Variants in MITF observed in about 807,000 individuals in gnomAD.
MITF encodes the protein melanocyte inducing transcription factor.
Under a neutral mutation model 60.5 loss-of-function variants are expected in MITF, and 17 were observed. The observed-to-expected ratio is 0.28, with a 90% CI of 0.19 to 0.42. The LOEUF is 0.42. MITF is among the 10% of genes least tolerant of loss of function. The pLI, the probability that MITF is intolerant of heterozygous loss-of-function variation, is 1.00. For synonymous variants in MITF, 260 were observed against 248.5 expected (o/e 1.05, Z -0.43); for missense variants, 622 against 683.5 (o/e 0.91, Z 1.00).
At chr3:69,751,888 CTA>C (rs1277797110) in intron 1 of MITF, among the ~76,000 whole-genome samples, 1 of 152,158 alleles carries the variant, frequency 6.6e-6, no homozygotes, top group Non-Finnish European at 1.5e-5. Context: ...TGGTTTAGCA[CTA>C]TCCCCTTGGT....
At chr3:69,941,748 G>A (rs1045661923) in intron 5 of MITF, among the ~76,000 whole-genome samples, 29 of 152,122 alleles carry the variant, frequency 1.9e-4, no homozygotes, top group African/African-American at 7.0e-4. Context: ...GAGGGACATT[G>A]GAGTTACCCT....
intron 1 of MITF, among the ~76,000 whole-genome samples, chr3:69,789,717 G>A (rs374687641): frequency 6.6e-5 from 10 of 152,208 alleles, no homozygotes; most frequent in African/African-American, 1.7e-4. Context: ...TTAGCTGGGC[G>A]TGGTGGCACA....
chr3:69,764,608 G>T (rs1324400199), intron 1 of MITF, among the ~76,000 whole-genome samples: 1 of 152,144 alleles, frequency 6.6e-6, no homozygotes, highest in Non-Finnish European at 1.5e-5. Context: ...CCAGACAGAG[G>T]AGTCTCACTC....
chr3:69,940,571 C>G (rs916252390), intron 4 of MITF, among the ~76,000 whole-genome samples: 1 of 152,146 alleles, frequency 6.6e-6, no homozygotes, highest in Non-Finnish European at 1.5e-5. Context: ...GAGTACCAAG[C>G]ACACTGGTAG....
intron 2 of MITF, among the ~76,000 whole-genome samples, chr3:69,898,953 G>T (rs767480991): frequency 3.3e-5 from 5 of 152,156 alleles, no homozygotes; most frequent in Admixed American, 6.5e-5. Flanking sequence ...TTCTCCTGGG[G>T]CTTACTGTTA....
At chr3:69,901,973 G>C (rs1359407137) in intron 2 of MITF, among the ~76,000 whole-genome samples, 1 of 152,164 alleles carries the variant, frequency 6.6e-6, no homozygotes, top group Non-Finnish European at 1.5e-5. Flanking sequence ...GGCAAAGTTG[G>C]GGCAATGGGT....
chr3:69,796,209 G>A (rs962357774), intron 1 of MITF, among the ~76,000 whole-genome samples: 9 of 152,268 alleles, frequency 5.9e-5, no homozygotes, highest in African/African-American at 1.9e-4. Context: ...TTGAATTCCT[G>A]ACCTCAGGTG....
chr3:69,853,876 T>G (rs2063868597), intron 1 of MITF, among the ~76,000 whole-genome samples: 1 of 151,642 alleles, frequency 6.6e-6, no homozygotes, highest in Non-Finnish European at 1.5e-5. Flanking sequence ...TTTTTTTTTT[T>G]TTTTGACAAA....
intron 2 of MITF, among the ~76,000 whole-genome samples, chr3:69,903,054 A>G (rs1295057384): frequency 2.0e-5 from 3 of 152,214 alleles, no homozygotes; most frequent in African/African-American, 7.2e-5. Flanking sequence ...GAGTTTGAGA[A>G]TTAAAAAGAC....
At chr3:69,756,328 C>T (rs1479919839) in intron 1 of MITF, among the ~76,000 whole-genome samples, 1 of 152,146 alleles carries the variant, frequency 6.6e-6, no homozygotes, top group African/African-American at 2.4e-5. Context: ...GTTCCCCTCC[C>T]TGTGTCCATG....
At chr3:69,775,515 T>C (rs2062459894) in intron 1 of MITF, among the ~76,000 whole-genome samples, 1 of 152,240 alleles carries the variant, frequency 6.6e-6, no homozygotes, top group Non-Finnish European at 1.5e-5. Flanking sequence ...AACCCAATGA[T>C]ACACACAAAT....
At chr3:69,936,780 C>A in intron 2 of MITF, 1 of 1,603,808 alleles carries the variant, frequency 6.2e-7, no homozygotes, top group Non-Finnish European at 8.5e-7. Context: ...GACTCATATT[C>A]AGTCTTTGAA....
At chr3:69,938,298 C>A in intron 3 of MITF, 2 of 1,485,818 alleles carry the variant, frequency 1.3e-6, no homozygotes, top group Non-Finnish European at 1.8e-6. Flanking sequence ...GACACTTTTG[C>A]CACTTGCTTC....
At chr3:69,852,925 C>T (rs767124825) in intron 1 of MITF, among the ~76,000 whole-genome samples, 1 of 152,002 alleles carries the variant, frequency 6.6e-6, no homozygotes, top group Non-Finnish European at 1.5e-5. Flanking sequence ...ACACCCCAAG[C>T]AAGAGTGTAC....
intron 1 of MITF, among the ~76,000 whole-genome samples, chr3:69,748,940 C>T (rs377083080): frequency 4.6e-5 from 7 of 152,102 alleles, no homozygotes; most frequent in South Asian, 2.1e-4. Flanking sequence ...TATGAAATTA[C>T]GAAATGACAG....
intron 1 of MITF, chr3:69,763,882 C>G: frequency 1.5e-6 from 2 of 1,378,970 alleles, no homozygotes; most frequent in Non-Finnish European, 1.9e-6. Context: ...TTCCCACGAG[C>G]TATTTTCTCT....
chr3:69,825,312 C>T (rs1396992793), intron 1 of MITF, among the ~76,000 whole-genome samples: 1 of 152,146 alleles, frequency 6.6e-6, no homozygotes, highest in Non-Finnish European at 1.5e-5. Context: ...CTGCACTCTT[C>T]TGGTTGAATA....
chr3:69,948,933 G>A (rs1488222271), intron 5 of MITF, 118 bp from the exon 6 acceptor site: 1 of 778,096 alleles, frequency 1.3e-6, no homozygotes, highest in Non-Finnish European at 2.2e-6. Context: ...TTTTAAAAAT[G>A]ATTTTTTGTA....
At chr3:69,881,640 G>A (rs537227208) in intron 2 of MITF, among the ~76,000 whole-genome samples, 2 of 147,488 alleles carry the variant, frequency 1.4e-5, no homozygotes, top group African/African-American at 2.7e-5. Context: ...TGAGAGAAAG[G>A]TGGTTTTTTT....
Sources: gnomAD v4.1 joint callset for allele counts (sites outside exome capture counted in the v4.1 genomes callset) on GRCh38, gnomAD v4.1.1 for gene constraint, MANE v1.5 for transcripts, NCBI Gene and HGNC (gene_info 2026-07-23, HGNC 2026-07-21) for gene names.